Variants in BNC2 observed in about 807,000 individuals in gnomAD.
BNC2 encodes zinc finger protein basonuclin-2.
In BNC2, 20 loss-of-function variants were observed where a neutral mutation model predicts 76.3. The ratio of observed to expected loss-of-function variants is 0.26; its 90% CI spans 0.18 to 0.38. BNC2 has a LOEUF of 0.38. Among genes scored for constraint, BNC2 ranks in the 10% least tolerant of loss-of-function variants. The pLI, the probability that BNC2 is intolerant of heterozygous loss-of-function variation, is 1.00. For missense variants in BNC2, 1,382 were observed against 1,399.8 expected (o/e 0.99, Z 0.20); for synonymous variants, 582 against 514.8 (o/e 1.13, Z -1.77).
At chr9:16,683,666 C>A (rs1822890655) in intron 3 of BNC2, among the ~76,000 whole-genome samples, 1 of 152,176 alleles carries the variant, frequency 6.6e-6, no homozygotes, top group African/African-American at 2.4e-5. Flanking sequence ...AAAAAATACT[C>A]CTGAAATAGA....
At chr9:16,510,061 G>A (rs16934755) in intron 5 of BNC2, among the ~76,000 whole-genome samples, 3,018 of 152,252 alleles carry the variant, frequency 0.02, 69 homozygotes, top group African/African-American at 0.052. Context: ...TGGAGAAACC[G>A]TTCAGGAACA....
At chr9:16,841,440 T>C (rs1015575951) in intron 1 of BNC2, among the ~76,000 whole-genome samples, 1 of 152,232 alleles carries the variant, frequency 6.6e-6, no homozygotes, top group African/African-American at 2.4e-5. Flanking sequence ...AAAAATGTTG[T>C]GAGGCCATCA....
At chr9:16,674,774 T>G (rs892760982) in intron 3 of BNC2, among the ~76,000 whole-genome samples, 9 of 152,210 alleles carry the variant, frequency 5.9e-5, no homozygotes, top group Non-Finnish European at 8.8e-5. Flanking sequence ...TATATAACAT[T>G]GATTTCAAGG....
rs76033326 is a variant in BNC2 at position 16,489,636 on chromosome 9, C to A, written c.670-52112G>T. On this transcript the variant is annotated intron_variant, in intron 5 of 6. Coordinates refer to ENST00000380672, the MANE Select transcript of BNC2 (RefSeq NM_017637.6). ...TCCTAAGGAGAAAAAACACATCACC[C>A]ATCTTCAAAGCCTCTCAGTTGATAT... 4.8e-3 allele frequency among the ~76,000 whole-genome samples: 726 copies of A among 152,292 alleles called. 4 individuals are homozygous for A. The highest frequency in any genetic ancestry group is 0.016 in the African/African-American group (683 of 41,560).
At position 16,633,652 on chromosome 9, in the gene BNC2, C is replaced by T. The variant is rs191575630; in HGVS notation, c.331-50567G>A. On this transcript the variant is annotated intron_variant, in intron 3 of 6. Coordinates refer to ENST00000380672, the MANE Select transcript of BNC2 (RefSeq NM_017637.6). Reference sequence around the variant, plus strand: ...TTTCTTCAATATTTTCCATCTTCATCGTGTTTATCTAATAATTGTTAAGGT... The same window carrying T: ...TTTCTTCAATATTTTCCATCTTCATTGTGTTTATCTAATAATTGTTAAGGT... 4.6e-5 allele frequency among the ~76,000 whole-genome samples: 7 copies of T among 152,214 alleles called. No individual in the cohort carries two copies. In the East Asian group the frequency reaches 1.4e-3, roughly 29 times the overall value.
chr9:16,566,048 T>G (rs1471010420), intron 4 of BNC2, among the ~76,000 whole-genome samples: 1 of 152,186 alleles, frequency 6.6e-6, no homozygotes, highest in African/African-American at 2.4e-5. Flanking sequence ...AGTGTCTTTC[T>G]TCTTTCTTAT....
At chr9:16,537,922 G>A (rs1818178711) in intron 5 of BNC2, among the ~76,000 whole-genome samples, 2 of 152,150 alleles carry the variant, frequency 1.3e-5, no homozygotes, top group Non-Finnish European at 2.9e-5. Flanking sequence ...TTCTAAGGGT[G>A]TGCCCCTTTC....
chr9:16,835,877 C>T (rs1292720284), intron 1 of BNC2, among the ~76,000 whole-genome samples: 1 of 152,024 alleles, frequency 6.6e-6, no homozygotes, highest in Non-Finnish European at 1.5e-5. Flanking sequence ...TGTTTTTTCC[C>T]AGACTTACCA....
intron 5 of BNC2, among the ~76,000 whole-genome samples, chr9:16,442,090 C>T (rs111922511): frequency 5.6e-4 from 85 of 152,230 alleles, no homozygotes; most frequent in Middle Eastern, 3.4e-3. Context: ...AACCAGAGTA[C>T]AGTGACTTTT....
chr9:16,426,065 GTGTTC>G (rs1820799512), intron 6 of BNC2, among the ~76,000 whole-genome samples: 1 of 152,226 alleles, frequency 6.6e-6, no homozygotes, highest in Admixed American at 6.5e-5. Context: ...GCATTTGGAA[GTGTTC>G]TCAATCAAGC....
At chr9:16,534,879 A>AAATCCT (rs1371175672) in intron 5 of BNC2, among the ~76,000 whole-genome samples, 3 of 152,224 alleles carry the variant, frequency 2.0e-5, no homozygotes, top group African/African-American at 7.2e-5. Flanking sequence ...AACCATTCAA[A>AAATCCT]AATCCTAATC....
chr9:16,705,458 T>C (rs544546397), intron 3 of BNC2, among the ~76,000 whole-genome samples: 73 of 152,286 alleles, frequency 4.8e-4, no homozygotes, highest in South Asian at 3.9e-3. Context: ...ACCCCTTGCA[T>C]TGTGACCAGC....
intron 1 of BNC2, among the ~76,000 whole-genome samples, chr9:16,787,493 T>C (rs567975021): frequency 6.6e-6 from 1 of 152,320 alleles, no homozygotes; most frequent in African/African-American, 2.4e-5. Context: ...CTTGACCTCT[T>C]TGTGCCTCAA....
At chr9:16,772,536 T>A (rs4961756) in intron 1 of BNC2, among the ~76,000 whole-genome samples, 3 of 152,038 alleles carry the variant, frequency 2.0e-5, no homozygotes, top group African/African-American at 7.3e-5. Flanking sequence ...TTTCCCCCTC[T>A]TTGAACTGAT....
intron 1 of BNC2, among the ~76,000 whole-genome samples, chr9:16,854,304 G>C (rs1217669853): frequency 6.6e-6 from 1 of 152,122 alleles, no homozygotes; most frequent in Admixed American, 6.5e-5. Context: ...TAGATGGTGG[G>C]CATCACACAA....
intron 6 of BNC2, among the ~76,000 whole-genome samples, chr9:16,435,289 TACAC>T (rs1194754583): frequency 1.3e-5 from 2 of 152,220 alleles, no homozygotes; most frequent in South Asian, 4.2e-4. Context: ...TGAAAACACA[TACAC>T]ACACGTATAC....
intron 5 of BNC2, among the ~76,000 whole-genome samples, chr9:16,513,287 T>C (rs1021499263): frequency 6.7e-6 from 1 of 149,402 alleles, no homozygotes; most frequent in South Asian, 2.1e-4. Flanking sequence ...GTCTAAGACA[T>C]GAGAAAAGGT....
chr9:16,845,909 G>T (rs531113113), intron 1 of BNC2, among the ~76,000 whole-genome samples: 18 of 152,162 alleles, frequency 1.2e-4, no homozygotes, highest in African/African-American at 4.3e-4. Flanking sequence ...CAGCACTTTG[G>T]GAGGCCGAGA....
intron 3 of BNC2, among the ~76,000 whole-genome samples, chr9:16,694,769 A>G (rs1420452833): frequency 1.3e-5 from 2 of 152,216 alleles, no homozygotes; most frequent in African/African-American, 4.8e-5. Flanking sequence ...AACATAAGTC[A>G]TACTGTATAC....
Sources: gnomAD v4.1 joint callset for allele counts (sites outside exome capture counted in the v4.1 genomes callset) on GRCh38, gnomAD v4.1.1 for gene constraint, MANE v1.5 for transcripts, NCBI Gene and HGNC (gene_info 2026-07-23, HGNC 2026-07-21) for gene names.